Variants in MAP2K4 observed in about 807,000 individuals in gnomAD.
MAP2K4 encodes mitogen-activated protein kinase kinase 4, also known as dual specificity mitogen-activated protein kinase kinase 4.
MAP2K4 carries 4 observed loss-of-function variants against 48.5 expected under a neutral mutation model. That is an observed-to-expected ratio of 0.08 (90% CI 0.04 to 0.19). The LOEUF (loss-of-function observed/expected upper bound fraction) is 0.19. Among genes scored for constraint, MAP2K4 ranks in the 10% least tolerant of loss-of-function variants. MAP2K4 has a pLI of 1.00. For synonymous variants in MAP2K4, 166 were observed against 173.1 expected (o/e 0.96, Z 0.32); for missense variants, 258 against 493.3 (o/e 0.52, Z 4.52).
intron 8 of MAP2K4, among the ~76,000 whole-genome samples, chr17:12,127,053 G>C (rs1045501115): frequency 2.6e-5 from 4 of 152,068 alleles, no homozygotes; most frequent in Non-Finnish European, 4.4e-5. Context: ...GGTATTACAT[G>C]TTTCTAGGAT....
rs894844445 is a variant in MAP2K4 at position 12,081,854 on chromosome 17, T to C, written c.393+324T>C. The C allele has an allele frequency of 1.9e-6, 1 of 535,526 alleles. No homozygotes were observed. Among genetic ancestry groups the C allele is most frequent in the East Asian group, 4.9e-5 (1 of 20,506 alleles). The allele number at this position is 535,526 out of a possible 1,614,324, so 33.2% of individuals were successfully genotyped here. On this transcript the variant is annotated intron_variant, in intron 3 of 10. Transcript: ENST00000353533. The surrounding 1 kb of genome is among the most constrained non-coding windows in gnomAD (Gnocchi z 4.2). The stretch of plus-strand genomic sequence containing the variant: ...TGCACCCCTGGGAGCAGGGCAGTGC[T>C]GCACTGAGCCAGGCGGGAGCTGGAA...
At chr17:12,072,242 CTAGGACTG>C (rs1378927269) in intron 2 of MAP2K4, among the ~76,000 whole-genome samples, 5 of 152,108 alleles carry the variant, frequency 3.3e-5, no homozygotes, top group Admixed American at 3.3e-4. Context: ...GAAAGTGTTA[CTAGGACTG>C]TAGATCAGGA....
rs768124864 is a variant in MAP2K4 at position 12,054,902 on chromosome 17, A to G, written c.129A>G (p.Ala43=). 18 of 1,607,724 alleles carry G rather than the reference A, an allele frequency of 1.1e-5. No homozygotes were observed. Among genetic ancestry groups the G allele is most frequent in the Non-Finnish European group, 1.5e-5 (18 of 1,174,668 alleles). The change falls in exon 2 of 11, where the codon GCA becomes GCG. Residue 43 remains alanine, a synonymous_variant. Transcript: ENST00000353533. ...AVSSMQGKRK[A]LKLNFANPPF... ...GTTATTTCTCAGGTAAACGCAAAGC[A>G]CTGAAGTTGAATTTTGCAAATCCAC...
In MAP2K4 at chr17:12,081,326, T is replaced by C; in HGVS notation, c.219-30T>C. 1 of 1,566,036 alleles carries C rather than the reference T, an allele frequency of 6.4e-7. No homozygotes were observed. Among genetic ancestry groups the C allele is most frequent in the South Asian group, 1.2e-5 (1 of 83,456 alleles). On this transcript the variant is annotated intron_variant, in intron 2 of 10. Transcript: ENST00000353533. The surrounding 1 kb of genome is among the most constrained non-coding windows in gnomAD (Gnocchi z 4.2). ...AAAAAGTTAAAACCTATTTAAAATG[T>C]GGAAAAATTGCTTCCCAATATTTTA...
intron 2 of MAP2K4, among the ~76,000 whole-genome samples, chr17:12,078,608 T>C (rs975309052): frequency 5.9e-5 from 9 of 152,214 alleles, no homozygotes; most frequent in African/African-American, 2.2e-4. Context: ...GGAACTTTTT[T>C]TTTCTTTAAG....
At chr17:12,078,251 C>T (rs535341337) in intron 2 of MAP2K4, among the ~76,000 whole-genome samples, 1 of 152,206 alleles carries the variant, frequency 6.6e-6, no homozygotes, top group Admixed American at 6.5e-5. Context: ...GTCTGAGTTT[C>T]CCAGGTTGGT....
intron 2 of MAP2K4, among the ~76,000 whole-genome samples, chr17:12,060,470 G>C (rs1011985372): frequency 6.6e-5 from 10 of 152,210 alleles, no homozygotes; most frequent in African/African-American, 2.4e-4. Context: ...GTGGGAGAGA[G>C]TTTTGTAGCG....
At chr17:12,121,708 T>G (rs1972698310) in intron 7 of MAP2K4, among the ~76,000 whole-genome samples, 1 of 152,212 alleles carries the variant, frequency 6.6e-6, no homozygotes, top group South Asian at 2.1e-4. Flanking sequence ...GGTCTCGCAT[T>G]CTTATAATAT....
At chr17:12,026,869 T>C (rs1648319175) in intron 1 of MAP2K4, 2 of 152,230 alleles carry the variant, frequency 1.3e-5, no homozygotes, top group Admixed American at 1.3e-4. Context: ...CTAAACTTGC[T>C]GGAGGGTTTA....
At chr17:12,112,094 C>G (rs1972325737) in intron 6 of MAP2K4, among the ~76,000 whole-genome samples, 1 of 152,114 alleles carries the variant, frequency 6.6e-6, no homozygotes, top group Non-Finnish European at 1.5e-5. Context: ...AAAACTTATA[C>G]CAGCCAACAG....
At chr17:12,114,845 G>A (rs1597481868) in intron 7 of MAP2K4, among the ~76,000 whole-genome samples, 1 of 152,206 alleles carries the variant, frequency 6.6e-6, no homozygotes, top group Non-Finnish European at 1.5e-5. Flanking sequence ...TTCTTGTGCA[G>A]AGATATGCTT....
At chr17:12,067,896 T>A (rs1970667935) in intron 2 of MAP2K4, among the ~76,000 whole-genome samples, 1 of 152,176 alleles carries the variant, frequency 6.6e-6, no homozygotes, top group African/African-American at 2.4e-5. Flanking sequence ...TATAAAATTA[T>A]AATCACCTAC....
chr17:12,057,153 C>T (rs1170839235), intron 2 of MAP2K4, among the ~76,000 whole-genome samples: 2 of 151,780 alleles, frequency 1.3e-5, no homozygotes, highest in Non-Finnish European at 2.9e-5. Context: ...AAATAAAATT[C>T]CAAGAAATGA....
intron 1 of MAP2K4, among the ~76,000 whole-genome samples, chr17:12,043,556 CA>C (rs1315274092): frequency 6.6e-6 from 1 of 152,104 alleles, no homozygotes; most frequent in Non-Finnish European, 1.5e-5. Context: ...TTCCCATTAT[CA>C]AACTTGACCA....
In MAP2K4 at chr17:12,096,214, T is replaced by A. The variant is rs1418154064; in HGVS notation, c.513+520T>A. Among the ~76,000 whole-genome samples, 3 of 152,166 alleles carry A rather than the reference T, an allele frequency of 2.0e-5. No individual in the cohort carries two copies. In the East Asian group the frequency reaches 5.8e-4, roughly 29 times the overall value. Reference sequence around the variant, plus strand: ...ACCCATCAGACATGGAAATTAACAATTACAATATAAATTATTTTTTTCTAA... The same window carrying A: ...ACCCATCAGACATGGAAATTAACAAATACAATATAAATTATTTTTTTCTAA... On this transcript the variant is annotated intron_variant, in intron 4 of 10. Transcript: ENST00000353533.
intron 2 of MAP2K4, among the ~76,000 whole-genome samples, chr17:12,059,931 A>C (rs1326651442): frequency 6.6e-6 from 1 of 152,196 alleles, no homozygotes; most frequent in Non-Finnish European, 1.5e-5. Flanking sequence ...CAATCCCAGC[A>C]CTTTGGGAGG....
At chr17:12,094,489 A>C (rs961697728) in intron 3 of MAP2K4, among the ~76,000 whole-genome samples, 2 of 152,202 alleles carry the variant, frequency 1.3e-5, no homozygotes, top group African/African-American at 4.8e-5. Context: ...TTTGGAAGAC[A>C]AAATGCCACC....
Position 12,051,983 on chromosome 17 carries a change from A to G in MAP2K4, c.116-2906A>G, listed in dbSNP as rs28918104. ...AGAAACAGCTTCTCCTGAGTATTGTAAAAGCTATTTTTCTACTTTTCTTGA... is the reference window on the plus strand; with the variant it reads ...AGAAACAGCTTCTCCTGAGTATTGTGAAAGCTATTTTTCTACTTTTCTTGA... On this transcript the variant is annotated intron_variant, in intron 1 of 10. Transcript: ENST00000353533. Among the ~76,000 whole-genome samples, 1,234 of 151,508 alleles carry G rather than the reference A, an allele frequency of 8.1e-3. 12 individuals carry two copies. The highest frequency in any genetic ancestry group is 0.021 in the Middle Eastern group (6 of 290).
Position 12,040,144 on chromosome 17 carries a change from C to T in MAP2K4, c.116-14745C>T, listed in dbSNP as rs145862942. The stretch of plus-strand genomic sequence containing the variant: ...GTGATCCATATAGTGTAAAGTTCTC[C>T]GTCAGCCTTTCATCTGGTAGTTCTG... On this transcript the variant is annotated intron_variant, in intron 1 of 10. Coordinates refer to ENST00000353533, the MANE Select transcript of MAP2K4 (RefSeq NM_003010.4). Among the ~76,000 whole-genome samples the T allele has an allele frequency of 1.8e-4, 28 of 152,210 alleles. 1 individual carries two copies. The East Asian group carries it at 4.8e-3, about 26-fold the overall frequency.
Sources: allele counts gnomAD v4.1 joint callset (sites outside exome capture counted in the v4.1 genomes callset), GRCh38; gene constraint gnomAD v4.1.1; non-coding constraint Gnocchi (gnomAD v3.1); transcripts MANE v1.5; gene names NCBI Gene and HGNC (gene_info 2026-07-23, HGNC 2026-07-21).